Variants in PALM observed in about 807,000 individuals in gnomAD.
PALM encodes the protein paralemmin-1.
A neutral mutation model predicts 30.7 loss-of-function variants in PALM; 18 were observed. The ratio of observed to expected loss-of-function variants is 0.59; its 90% CI spans 0.41 to 0.87. PALM has a LOEUF of 0.87. PALM is among the 40% of genes least tolerant of loss of function. The pLI is 0.00. For missense variants in PALM, 529 were observed against 555.4 expected (o/e 0.95, Z 0.48); for synonymous variants, 286 against 242.8 (o/e 1.18, Z -1.66).
At chr19:734,094 C>G (rs2032949389) in intron 5 of PALM, 79 bp from the exon 6 acceptor site, 5 of 1,401,692 alleles carry the variant, frequency 3.6e-6, no homozygotes, top group Admixed American at 1.7e-5. Context: ...ATGCCCTCCC[C>G]AGGCTCCTGA....
At chr19:738,195 A>G (rs889744181) in intron 7 of PALM, among the ~76,000 whole-genome samples, 1 of 152,102 alleles carries the variant, frequency 6.6e-6, no homozygotes. Flanking sequence ...GTTCAAGACC[A>G]GCCTGAGCAA....
At chr19:726,965 G>GGGGGGGGGGCCGCGGCC in intron 2 of PALM, 43 bp from the exon 3 acceptor site, 1 of 1,037,618 alleles carries the variant, frequency 9.6e-7, no homozygotes, top group Non-Finnish European at 1.4e-6. Context: ...GGGTCTCCGG[G>GGGGGGGGGGCCGCGGCC]ACCCCCACGC....
In PALM at chr19:742,037, C is replaced by T. The variant is rs1173561650; in HGVS notation, c.634+1554C>T. Among the ~76,000 whole-genome samples the T allele has an allele frequency of 4.6e-5, 7 of 151,730 alleles. No homozygotes were observed. The highest frequency in any genetic ancestry group is 2.1e-4 in the South Asian group (1 of 4,710). ...TCTTTTTCTTTTATGAGATATAATTCGCAGACCATAAAATTCCGCCTTAAT... is the reference window on the plus strand; with the variant it reads ...TCTTTTTCTTTTATGAGATATAATTTGCAGACCATAAAATTCCGCCTTAAT... On this transcript the variant is annotated intron_variant, in intron 8 of 8. Transcript: ENST00000338448. The surrounding 1 kb of genome is among the most constrained non-coding windows in gnomAD (Gnocchi z 5.5).
rs1321768749 is a variant in PALM, at chr19:746,872, C to T, written c.*58C>T. 1.1e-5 allele frequency: 11 copies of T among 1,035,926 alleles called. No individual in the cohort carries two copies. Among genetic ancestry groups the T allele is most frequent in the Non-Finnish European group, 1.5e-5 (11 of 727,274 alleles). The allele number at this position is 1,035,926 out of a possible 1,614,324, so 64.2% of individuals were successfully genotyped here. A position where few individuals can be genotyped will look rare whatever the true frequency, so the allele number is the denominator to read the frequency against. ...ACCACAGACACCCACCAGCCCGGCC[C>T]CTCCCGGCGCCTGCCCACCCTCCAC... is the stretch of plus-strand genomic sequence containing the variant. On this transcript the variant is annotated 3_prime_UTR_variant, in exon 9 of 9. Transcript: ENST00000338448. This position sits in a 1 kb window ranked among gnomAD's most constrained non-coding sequence, Gnocchi z 7.1.
At chr19:714,631 T>G (rs947892883) in intron 1 of PALM, among the ~76,000 whole-genome samples, 5 of 151,964 alleles carry the variant, frequency 3.3e-5, no homozygotes, top group East Asian at 1.9e-4. Flanking sequence ...GTGCTGGGAT[T>G]ACAGGCGTGA....
chr19:746,174 C>T lies in PALM; in HGVS notation c.635-111C>T, dbSNP rs1223627985. 2 of 756,576 alleles carry T rather than the reference C, an allele frequency of 2.6e-6. No individual in the cohort carries two copies. The highest frequency in any genetic ancestry group is 5.0e-5 in the East Asian group (2 of 40,074). 46.9% of individuals were successfully genotyped at this position (756,576 alleles called of 1,614,324 possible). A position where few individuals can be genotyped will look rare whatever the true frequency, so the allele number is the denominator to read the frequency against. On this transcript the variant is annotated intron_variant, in intron 8 of 8. Coordinates refer to ENST00000338448, the MANE Select transcript of PALM (RefSeq NM_002579.3). This position sits in a 1 kb window ranked among gnomAD's most constrained non-coding sequence, Gnocchi z 7.1. Reference sequence around the variant, plus strand: ...ATCTAGTTCGTGATTTCCTCTTTAGCCTGGAGGAGGATACAAGCCTTGCCA... The same window carrying T: ...ATCTAGTTCGTGATTTCCTCTTTAGTCTGGAGGAGGATACAAGCCTTGCCA...
At chr19:720,212 C>G (rs1329634031) in intron 1 of PALM, among the ~76,000 whole-genome samples, 1 of 151,966 alleles carries the variant, frequency 6.6e-6, no homozygotes, top group Non-Finnish European at 1.5e-5. Flanking sequence ...GCCCCACCCC[C>G]GCGCGCCGGG....
At chr19:723,502 G>A (rs2144870613) in intron 1 of PALM, among the ~76,000 whole-genome samples, 1 of 152,268 alleles carries the variant, frequency 6.6e-6, no homozygotes, top group South Asian at 2.1e-4. Flanking sequence ...CGCTGCAACA[G>A]CCTTGGAAGC....
In PALM at chr19:712,171, C is replaced by T. The variant is rs1367138453; in HGVS notation, c.5+3020C>T. 2.6e-5 allele frequency among the ~76,000 whole-genome samples: 4 copies of T among 151,738 alleles called. No individual in the cohort carries two copies. In the South Asian group the frequency reaches 6.3e-4, roughly 24 times the overall value. ...CTGAGTAGCTATGACTACAGGTGCC[C>T]GCCACCACGCCCGGCTAATTTTTGT... is the stretch of plus-strand genomic sequence containing the variant. On this transcript the variant is annotated intron_variant, in intron 1 of 8. Transcript: ENST00000338448.
intron 8 of PALM, among the ~76,000 whole-genome samples, chr19:745,158 C>A (rs1023934520): frequency 1.4e-4 from 21 of 152,114 alleles, no homozygotes; most frequent in Non-Finnish European, 1.5e-5. Flanking sequence ...CCAGCCTGGG[C>A]AACAAGAGCG....
intron 1 of PALM, among the ~76,000 whole-genome samples, chr19:723,264 C>T (rs1315520554): frequency 2.0e-5 from 3 of 152,064 alleles, no homozygotes; most frequent in African/African-American, 7.2e-5. Flanking sequence ...AGGGCTGGCT[C>T]TGGGCCCTGA....
chr19:719,870 G>T (rs2238559), intron 1 of PALM, among the ~76,000 whole-genome samples: 8,792 of 152,238 alleles, frequency 0.058, 405 homozygotes, highest in East Asian at 0.19. Flanking sequence ...GGGAGCGAGC[G>T]CTGGGGGAGG....
intron 1 of PALM, among the ~76,000 whole-genome samples, chr19:720,523 C>A (rs2032438009): frequency 7.7e-6 from 1 of 129,054 alleles, no homozygotes; most frequent in African/African-American, 2.9e-5. Flanking sequence ...GGCGCCGGGT[C>A]TGGGGAGGGG....
At chr19:739,341 C>T (rs984072615) in intron 7 of PALM, among the ~76,000 whole-genome samples, 1 of 152,090 alleles carries the variant, frequency 6.6e-6, no homozygotes, top group Non-Finnish European at 1.5e-5. Flanking sequence ...TCCGCCGTGA[C>T]CCCGGGCAAG....
At chr19:737,949 T>C (rs35365935) in intron 7 of PALM, among the ~76,000 whole-genome samples, 22,164 of 152,102 alleles carry the variant, frequency 0.15, 1,705 homozygotes, top group Non-Finnish European at 0.17. Context: ...CTCTGGTGAC[T>C]GCAGGGAGAA....
chr19:737,342 CTCTGGACTAGCTG>C (rs2033053035), intron 7 of PALM, among the ~76,000 whole-genome samples: 1 of 152,182 alleles, frequency 6.6e-6, no homozygotes, highest in African/African-American at 2.4e-5. Context: ...GTGTGGGCAG[CTCTGGACTAGCTG>C]TCTGGGGTGG....
intron 1 of PALM, among the ~76,000 whole-genome samples, chr19:716,823 CGTCT>C (rs1377151350): frequency 1.3e-5 from 2 of 152,134 alleles, no homozygotes; most frequent in African/African-American, 4.8e-5. Flanking sequence ...TGTATACACA[CGTCT>C]GTATGTATAT....
At chr19:741,492 G>A (rs1424470987) in intron 8 of PALM, among the ~76,000 whole-genome samples, 1 of 114,304 alleles carries the variant, frequency 8.7e-6, no homozygotes, top group African/African-American at 3.4e-5. Flanking sequence ...GGGGTGAGGG[G>A]AGCTGGGCTG....
intron 1 of PALM, among the ~76,000 whole-genome samples, chr19:716,556 C>A (rs2032267306): frequency 1.3e-5 from 2 of 152,142 alleles, no homozygotes; most frequent in Non-Finnish European, 2.9e-5. Flanking sequence ...GCAATGGAGG[C>A]AGAGATGCGG....
Sources: gnomAD v4.1 joint callset for allele counts (sites outside exome capture counted in the v4.1 genomes callset) on GRCh38, gnomAD v4.1.1 for gene constraint, Gnocchi (gnomAD v3.1) non-coding constraint, MANE v1.5 for transcripts, NCBI Gene and HGNC (gene_info 2026-07-23, HGNC 2026-07-21) for gene names.